The following C19orf81 variants were observed in gnomAD, a reference collection of about 807,000 sequenced individuals.
C19orf81 encodes chromosome 19 open reading frame 81.
A neutral mutation model predicts 22.1 loss-of-function variants in C19orf81; 19 were observed. That is an observed-to-expected ratio of 0.86 (90% CI 0.60 to 1.26). The LOEUF (loss-of-function observed/expected upper bound fraction) is 1.26, where lower values mean the gene tolerates loss of function less well. Among genes scored for constraint, C19orf81 ranks in the 50% most tolerant of loss-of-function variants. The pLI, the probability that C19orf81 is intolerant of heterozygous loss-of-function variation, is 0.00. For synonymous variants in C19orf81, 108 were observed against 113.1 expected (o/e 0.95, Z 0.29); for missense variants, 287 against 280.7 (o/e 1.02, Z -0.16).
At chr19:50,656,417 C>A in intron 3 of C19orf81, 71 bp downstream of exon 3, 1 of 1,465,402 alleles carries the variant, frequency 6.8e-7, no homozygotes, top group South Asian at 1.4e-5. Context: ...GGCTGAGAAG[C>A]AGTGTGGCCA....
In C19orf81 at chr19:50,659,054, T is replaced by C. The variant is rs1985077352; in HGVS notation, c.509T>C (p.Leu170Pro). Residue 170 changes from leucine to proline, a missense_variant, in exon 5 of 5, where the codon CTG (leucine) becomes CCG (proline). Physicochemically the swap from Leu to Pro is moderately conservative, Grantham distance 98 (BLOSUM62 -3). Transcript: ENST00000425202. ...ATCGTGCGCCACGACGACCTCCTGC[T>C]GGGCGACTACCGCCTGCACCTGCGC... ...HQIVRHDDLLLGDYRLHLRRS... is the reference protein window; with the variant it reads ...HQIVRHDDLLPGDYRLHLRRS... The C allele has an allele frequency of 1.3e-6, 2 of 1,528,844 alleles. No homozygotes were observed. Among genetic ancestry groups the C allele is most frequent in the South Asian group, 1.2e-5 (1 of 82,982 alleles). 94.7% of individuals were successfully genotyped at this position (1,528,844 alleles called of 1,614,324 possible). A position where few individuals can be genotyped will look rare whatever the true frequency, so the allele number is the denominator to read the frequency against.
chr19:50,658,549 G>C (rs1985056997), intron 4 of C19orf81: 1 of 248,138 alleles, frequency 4.0e-6, no homozygotes, highest in Non-Finnish European at 7.8e-6. Flanking sequence ...AGTAGTGACC[G>C]GGATAGAGGT....
chr19:50,652,870 C>T (rs1028271236), intron 1 of C19orf81, among the ~76,000 whole-genome samples: 3 of 152,068 alleles, frequency 2.0e-5, no homozygotes, highest in African/African-American at 4.8e-5. Context: ...ATTGAGAACA[C>T]GCACACTGGA....
intron 1 of C19orf81, among the ~76,000 whole-genome samples, chr19:50,651,473 G>A (rs1479039130): frequency 6.6e-6 from 1 of 152,096 alleles, no homozygotes; most frequent in Non-Finnish European, 1.5e-5. Flanking sequence ...AACACACATT[G>A]CCCTTTATCT....
chr19:50,652,017 T>G (rs118060761), intron 1 of C19orf81, among the ~76,000 whole-genome samples: 6,566 of 152,224 alleles, frequency 0.043, 136 homozygotes, highest in Non-Finnish European at 0.048. Flanking sequence ...AGGGACTCAC[T>G]TTGTAACCTA....
chr19:50,653,220 G>T (rs1339234204), intron 1 of C19orf81, among the ~76,000 whole-genome samples: 1 of 151,986 alleles, frequency 6.6e-6, no homozygotes, highest in Non-Finnish European at 1.5e-5. Context: ...TGTATTTTTA[G>T]TAGAGATGGG....
At chr19:50,651,671 C>T (rs1984881421) in intron 1 of C19orf81, among the ~76,000 whole-genome samples, 1 of 151,696 alleles carries the variant, frequency 6.6e-6, no homozygotes, top group South Asian at 2.1e-4. Flanking sequence ...CCATGACCCT[C>T]CAACCTGGGC....
In C19orf81 at chr19:50,658,096, C is replaced by T; in HGVS notation, c.369C>T (p.Asn123=). 6.5e-7 allele frequency: 1 copy of T among 1,535,758 alleles called. No homozygotes were observed. The highest frequency in any genetic ancestry group is 1.2e-5 in the South Asian group (1 of 84,002). The change falls in exon 4 of 5, where the codon AAC becomes AAT. Residue 123 remains asparagine, a synonymous_variant. Transcript: ENST00000425202. ...GCAGCATCCGCTTTGAGAACATGAA[C>T]GTCATCTGTGGGACTGCTGGGCGCC... ...RVSSIRFENM[N]VICGTAGRRN...
intron 1 of C19orf81, among the ~76,000 whole-genome samples, chr19:50,652,592 G>A (rs896648509): frequency 3.3e-5 from 5 of 152,140 alleles, no homozygotes; most frequent in Admixed American, 6.6e-5. Flanking sequence ...GAAAAACAGC[G>A]TTTTTGGACT....
chr19:50,649,828 G>A (rs1399874528), intron 1 of C19orf81: 1 of 507,384 alleles, frequency 2.0e-6, no homozygotes, highest in Non-Finnish European at 3.8e-6. Flanking sequence ...CCCACCCTGA[G>A]CTCAGCATCT....
chr19:50,658,250 G>C (rs1985045143), intron 4 of C19orf81, 122 bp downstream of exon 4: 2 of 1,081,532 alleles, frequency 1.8e-6, no homozygotes, highest in South Asian at 1.6e-5. Context: ...AAGCATGAAT[G>C]GGCGGGGCCC....
At chr19:50,658,807 G>A (rs1045327883) in intron 4 of C19orf81, 140 bp from the exon 5 acceptor site, 2 of 692,058 alleles carry the variant, frequency 2.9e-6, no homozygotes, top group Non-Finnish European at 4.3e-6. Flanking sequence ...CAGGGCTGGA[G>A]GGGAGTTTAG....
At chr19:50,656,496 T>A in intron 3 of C19orf81, 150 bp downstream of exon 3, 1 of 1,179,452 alleles carries the variant, frequency 8.5e-7, no homozygotes, top group East Asian at 2.6e-5. Context: ...TGAAAACTGA[T>A]TGTGAATTTG....
intron 1 of C19orf81, chr19:50,649,911 C>A: frequency 2.2e-6 from 1 of 449,184 alleles, no homozygotes; most frequent in South Asian, 1.6e-5. Flanking sequence ...GTCACTGGTG[C>A]CATCCTTCCA....
At chr19:50,651,225 T>TG (rs1984872564) in intron 1 of C19orf81, among the ~76,000 whole-genome samples, 1 of 152,208 alleles carries the variant, frequency 6.6e-6, no homozygotes, top group African/African-American at 2.4e-5. Flanking sequence ...TCTTTAGTCT[T>TG]GGGGCTCAAG....
At chr19:50,658,701 T>G in intron 4 of C19orf81, 1 of 390,534 alleles carries the variant, frequency 2.6e-6, no homozygotes, top group Non-Finnish European at 4.5e-6. Flanking sequence ...GGTCGGGCCT[T>G]TGGGCGGTTT....
At chr19:50,653,225 G>T (rs1333524447) in intron 1 of C19orf81, among the ~76,000 whole-genome samples, 1 of 152,002 alleles carries the variant, frequency 6.6e-6, no homozygotes, top group Non-Finnish European at 1.5e-5. Context: ...TTTTAGTAGA[G>T]ATGGGATCTC....
intron 1 of C19orf81, among the ~76,000 whole-genome samples, chr19:50,650,501 C>A (rs1004421972): frequency 6.6e-6 from 1 of 152,136 alleles, no homozygotes; most frequent in Non-Finnish European, 1.5e-5. Flanking sequence ...TGGTGAAACC[C>A]CATCTCTAAA....
At chr19:50,649,912 C>T (rs1264209740) in intron 1 of C19orf81, 8 of 448,794 alleles carry the variant, frequency 1.8e-5, no homozygotes, top group Non-Finnish European at 3.1e-5. Context: ...TCACTGGTGC[C>T]ATCCTTCCAC....
Sources: allele counts gnomAD v4.1 joint callset (sites outside exome capture counted in the v4.1 genomes callset), GRCh38; gene constraint gnomAD v4.1.1; transcripts MANE v1.5; gene names NCBI Gene and HGNC (gene_info 2026-07-23, HGNC 2026-07-21).